GPR149: variants seen among roughly 807,000 people sequenced by gnomAD.
GPR149 encodes probable G protein-coupled receptor 149.
In GPR149, 50 loss-of-function variants were observed where a neutral mutation model predicts 50.2. The observed-to-expected ratio is 1.00, with a 90% CI of 0.79 to 1.26. The LOEUF (loss-of-function observed/expected upper bound fraction) is 1.26. Among genes scored for constraint, GPR149 ranks in the 50% most tolerant of loss-of-function variants. The probability of loss-of-function intolerance (pLI) is 0.00; values close to 1 mark genes in which losing one functional copy is unlikely to be tolerated. For synonymous variants in GPR149, 405 were observed against 358.2 expected (o/e 1.13, Z -1.48); for missense variants, 983 against 895.4 (o/e 1.10, Z -1.25).
At chr3:154,351,273 T>C (rs1336966951) in intron 3 of GPR149, among the ~76,000 whole-genome samples, 1 of 120,518 alleles carries the variant, frequency 8.3e-6, no homozygotes, top group Non-Finnish European at 1.6e-5. Flanking sequence ...AAAGTTAGCC[T>C]TTTCAATTAA....
chr3:154,337,645 G>C lies in GPR149; in HGVS notation c.*54C>G. On this transcript the variant is annotated 3_prime_UTR_variant, in exon 4 of 4. Transcript: ENST00000389740. ...AATCAGTCTCATAACAAAGGTGTTA[G>C]TTTCACAGTTGACGTTGCAGATCCA... 1 of 1,288,776 alleles carries C rather than the reference G, an allele frequency of 7.8e-7. No individual in the cohort carries two copies. The highest frequency in any genetic ancestry group is 1.5e-5 in the African/African-American group (1 of 67,568). The allele number at this position is 1,288,776 out of a possible 1,614,324, so 79.8% of individuals were successfully genotyped here.
At chr3:154,407,186 C>A (rs1200551457) in intron 3 of GPR149, among the ~76,000 whole-genome samples, 3 of 152,056 alleles carry the variant, frequency 2.0e-5, no homozygotes, top group Non-Finnish European at 4.4e-5. Flanking sequence ...GAGACACAGC[C>A]AAACCACATC....
rs1712402889 is a variant in GPR149 at position 154,429,061 on chromosome 3, G to C, written c.555C>G (p.Asp185Glu). Residue 185 changes from aspartate (D) to glutamate (E), a missense_variant, in exon 1 of 4, where the codon GAC becomes GAG. By Grantham distance (45) the Asp-to-Glu change is conservative (BLOSUM62 2). Transcript: ENST00000389740. ...GGAATAGTACGTAGGAGCTGGAGCA[G>C]TCCACCAGGCAGCCCCAGGGCGTGC... The part of the protein sequence containing the change: ...FVRTPWGCLV[D>E]CSSSYVLFLS... The C allele has an allele frequency of 6.2e-7, 1 of 1,613,958 alleles. No individual in the cohort carries two copies. The highest frequency in any genetic ancestry group is 1.7e-5 in the Admixed American group (1 of 60,028).
Position 154,421,080 on chromosome 3 carries a change from A to C in GPR149, c.1582T>G (p.Trp528Gly), listed in dbSNP as rs766749335. The C allele has an allele frequency of 6.2e-7, 1 of 1,612,834 alleles. No individual in the cohort carries two copies. The highest frequency in any genetic ancestry group is 1.3e-5 in the African/African-American group (1 of 74,926). Reference sequence around the variant, plus strand: ...TCTGATTTACTCCTACACCACTCCCAGTCTGAAAGATCTGGTTTCTGACTC... The same window carrying C: ...TCTGATTTACTCCTACACCACTCCCCGTCTGAAAGATCTGGTTTCTGACTC... ...EESQKPDLSD[W>G]EWCRSKSERT... Residue 528 changes from tryptophan (W) to glycine (G), a missense_variant, in exon 3 of 4, where the codon TGG (tryptophan) becomes GGG (glycine). Coordinates refer to ENST00000389740, the MANE Select transcript of GPR149 (RefSeq NM_001038705.3).
intron 3 of GPR149, among the ~76,000 whole-genome samples, chr3:154,374,232 C>T (rs701129): frequency 0.69 from 99,642 of 143,544 alleles, 35,298 homozygotes; most frequent in Non-Finnish European, 0.78. Flanking sequence ...TGGAGTGCAG[C>T]GGCACAATCT....
chr3:154,374,169 C>T (rs201987166), intron 3 of GPR149, among the ~76,000 whole-genome samples: 19 of 103,146 alleles, frequency 1.8e-4, no homozygotes, highest in East Asian at 5.4e-4. Flanking sequence ...CTTTTCTTTT[C>T]TTTTTTTTTT....
chr3:154,365,088 G>A (rs569562645), intron 3 of GPR149, among the ~76,000 whole-genome samples: 1 of 152,312 alleles, frequency 6.6e-6, no homozygotes, highest in African/African-American at 2.4e-5. Flanking sequence ...GACTCTCTGA[G>A]TCATCCTTTG....
chr3:154,356,178 C>T (rs1168187393), intron 3 of GPR149, among the ~76,000 whole-genome samples: 1 of 152,164 alleles, frequency 6.6e-6, no homozygotes, highest in African/African-American at 2.4e-5. Context: ...TTCACTTGCT[C>T]ACTTGAAGTG....
intron 3 of GPR149, among the ~76,000 whole-genome samples, chr3:154,363,062 G>A (rs954717595): frequency 2.0e-5 from 3 of 152,080 alleles, no homozygotes; most frequent in Non-Finnish European, 4.4e-5. Flanking sequence ...CATATTCAAG[G>A]AAATAAAATT....
intron 3 of GPR149, chr3:154,353,400 T>A: frequency 8.2e-7 from 1 of 1,223,950 alleles, no homozygotes; most frequent in Non-Finnish European, 1.2e-6. Flanking sequence ...TTCAGTTTTG[T>A]AGGATTTGTG....
chr3:154,377,263 T>G (rs1247738127), intron 3 of GPR149, among the ~76,000 whole-genome samples: 1 of 151,122 alleles, frequency 6.6e-6, no homozygotes. Context: ...GCAAAGGATG[T>G]TTTGTCCTTA....
intron 3 of GPR149, chr3:154,354,276 T>C: frequency 2.6e-6 from 1 of 391,048 alleles, no homozygotes; most frequent in South Asian, 2.4e-5. Context: ...CAGCTTATCT[T>C]GTTTAAATCT....
At chr3:154,340,542 A>G (rs558422634) in intron 3 of GPR149, among the ~76,000 whole-genome samples, 1 of 152,336 alleles carries the variant, frequency 6.6e-6, no homozygotes, top group Admixed American at 6.5e-5. Flanking sequence ...CTATCTCTTA[A>G]GACCCCACAG....
intron 3 of GPR149, among the ~76,000 whole-genome samples, chr3:154,362,521 C>T (rs1714435986): frequency 6.6e-6 from 1 of 152,026 alleles, no homozygotes; most frequent in Non-Finnish European, 1.5e-5. Flanking sequence ...GGGGAAGAAA[C>T]ATTTATCATG....
chr3:154,374,480 C>G (rs72998685), intron 3 of GPR149, among the ~76,000 whole-genome samples: 2,554 of 152,112 alleles, frequency 0.017, 69 homozygotes, highest in African/African-American at 0.058. Flanking sequence ...GCCCAAAAGT[C>G]CTAATATTCC....
intron 3 of GPR149, chr3:154,352,331 A>C: frequency 3.7e-6 from 4 of 1,070,338 alleles, no homozygotes; most frequent in Non-Finnish European, 5.5e-6. Flanking sequence ...GGGGATTAGA[A>C]GACTTGTTTC....
chr3:154,373,649 C>A (rs1262348136), intron 3 of GPR149, among the ~76,000 whole-genome samples: 1 of 152,164 alleles, frequency 6.6e-6, no homozygotes, highest in Non-Finnish European at 1.5e-5. Context: ...ATGATTAGAA[C>A]AAGAGATACA....
At chr3:154,350,109 A>G (rs1714036636) in intron 3 of GPR149, among the ~76,000 whole-genome samples, 1 of 152,102 alleles carries the variant, frequency 6.6e-6, no homozygotes, top group South Asian at 2.1e-4. Flanking sequence ...AGGTGAGAGG[A>G]TCACTTGAGC....
At chr3:154,384,167 T>G (rs992028732) in intron 3 of GPR149, among the ~76,000 whole-genome samples, 4 of 152,142 alleles carry the variant, frequency 2.6e-5, no homozygotes, top group Non-Finnish European at 5.9e-5. Flanking sequence ...AAAGGACATT[T>G]AGAAAACTGT....
Sources: allele counts gnomAD v4.1 joint callset (sites outside exome capture counted in the v4.1 genomes callset), GRCh38; gene constraint gnomAD v4.1.1; transcripts MANE v1.5; gene names NCBI Gene and HGNC (gene_info 2026-07-23, HGNC 2026-07-21).